KLF13: variants seen among roughly 807,000 people sequenced by gnomAD.
The protein encoded by KLF13 is Krueppel-like factor 13.
Under a neutral mutation model 16.7 loss-of-function variants are expected in KLF13, and 8 were observed. The ratio of observed to expected loss-of-function variants is 0.48; its 90% CI spans 0.28 to 0.87. The LOEUF is 0.87. Ranked by LOEUF, KLF13 falls within the 40% of genes least tolerant of loss-of-function variation. The probability of loss-of-function intolerance (pLI) is 0.10; values close to 1 mark genes in which losing one functional copy is unlikely to be tolerated. For synonymous variants in KLF13, 245 were observed against 208.4 expected (o/e 1.18, Z -1.51); for missense variants, 447 against 452.2 (o/e 0.99, Z 0.10).
intron 1 of KLF13, among the ~76,000 whole-genome samples, chr15:31,342,699 G>T (rs1042076997): frequency 5.3e-5 from 8 of 152,186 alleles, no homozygotes; most frequent in Non-Finnish European, 8.8e-5. Context: ...GCGGATATAT[G>T]TATTTTTTTC....
At chr15:31,396,398 C>T (rs2039952452) in intron 2 of KLF13, among the ~76,000 whole-genome samples, 2 of 152,130 alleles carry the variant, frequency 1.3e-5, no homozygotes, top group South Asian at 4.1e-4. Context: ...ACCTTGTGAT[C>T]TGCCTGCCTC....
At chr15:31,340,834 A>G (rs758770876) in intron 1 of KLF13, among the ~76,000 whole-genome samples, 7 of 152,208 alleles carry the variant, frequency 4.6e-5, no homozygotes, top group Non-Finnish European at 1.5e-5. Context: ...TTGCCACTAC[A>G]CTCAAACCTG....
chr15:31,374,452 G>A lies in KLF13; in HGVS notation c.*2153G>A. ...GAGTGGAATATTTGGTAGGGACCTT[G>A]ACAGAAGAGAGCCCTGGGTGCTTGT... On this transcript the variant is annotated 3_prime_UTR_variant, in exon 2 of 2. Transcript: ENST00000307145. 1 of 152,752 alleles carries A rather than the reference G, an allele frequency of 6.5e-6. No homozygotes were observed. Among genetic ancestry groups the A allele is most frequent in the East Asian group, 1.9e-4 (1 of 5,184 alleles). The allele number at this position is 152,752 out of a possible 1,614,324, so 9.5% of individuals were successfully genotyped here.
downstream of KLF13, among the ~76,000 whole-genome samples, chr15:31,381,524 A>G (rs1409116063): frequency 2.6e-5 from 4 of 152,154 alleles, no homozygotes; most frequent in East Asian, 7.7e-4. Flanking sequence ...GCTGCCCCCA[A>G]CCCTGAACTA....
At chr15:31,391,585 G>C (rs1423325955), upstream of KLF13, among the ~76,000 whole-genome samples, 1 of 152,036 alleles carries the variant, frequency 6.6e-6, no homozygotes, top group Non-Finnish European at 1.5e-5. Context: ...ACCCATTTCT[G>C]GGATTGCCCC....
upstream of KLF13, among the ~76,000 whole-genome samples, chr15:31,389,418 G>A (rs145979232): frequency 3.7e-3 from 556 of 152,210 alleles, 1 homozygote; most frequent in African/African-American, 0.013. Flanking sequence ...AATGGGGGAG[G>A]GGATCAACGG....
chr15:31,362,525 A>G (rs1339484892), intron 1 of KLF13, among the ~76,000 whole-genome samples: 3 of 152,262 alleles, frequency 2.0e-5, no homozygotes, highest in Non-Finnish European at 4.4e-5. Flanking sequence ...GAATGGGGCC[A>G]GTAATGTGCC....
intron 1 of KLF13, among the ~76,000 whole-genome samples, chr15:31,409,849 A>G (rs1566842163): frequency 6.6e-6 from 1 of 152,216 alleles, no homozygotes; most frequent in East Asian, 1.9e-4. Flanking sequence ...ATTTTCTACT[A>G]GCAGCCCTGC....
chr15:31,400,828 G>T (rs1260750924), intron 2 of KLF13, among the ~76,000 whole-genome samples: 1 of 152,110 alleles, frequency 6.6e-6, no homozygotes, highest in Non-Finnish European at 1.5e-5. Flanking sequence ...GACTGCCTGT[G>T]AGGGTCTGGC....
chr15:31,366,919 G>A (rs1244704358), intron 1 of KLF13, among the ~76,000 whole-genome samples: 4 of 152,262 alleles, frequency 2.6e-5, no homozygotes, highest in African/African-American at 9.6e-5. Context: ...TCCCAAAAGA[G>A]TACAGTAGGC....
At chr15:31,360,554 A>ATTGC (rs2039366900) in intron 1 of KLF13, among the ~76,000 whole-genome samples, 1 of 152,172 alleles carries the variant, frequency 6.6e-6, no homozygotes, top group African/African-American at 2.4e-5. Flanking sequence ...CTAGTGGGCA[A>ATTGC]GACCGAGAGC....
intron 1 of KLF13, among the ~76,000 whole-genome samples, chr15:31,352,597 C>T (rs1344347583): frequency 6.6e-6 from 1 of 152,170 alleles, no homozygotes; most frequent in Non-Finnish European, 1.5e-5. Flanking sequence ...AAGGGCCTGT[C>T]AGCATGTACT....
upstream of KLF13, among the ~76,000 whole-genome samples, chr15:31,392,673 G>A (rs969842442): frequency 2.0e-5 from 3 of 152,234 alleles, no homozygotes; most frequent in African/African-American, 7.2e-5. Flanking sequence ...AGTGACTTGG[G>A]TGACGTTTTG....
chr15:31,331,377 T>G (rs1032536452), intron 1 of KLF13, among the ~76,000 whole-genome samples: 1 of 152,056 alleles, frequency 6.6e-6, no homozygotes, highest in African/African-American at 2.4e-5. Context: ...TTGGGTGGGG[T>G]TCACCTGAAA....
chr15:31,369,381 T>C (rs984310103), intron 1 of KLF13, among the ~76,000 whole-genome samples: 1 of 152,148 alleles, frequency 6.6e-6, no homozygotes, highest in Non-Finnish European at 1.5e-5. Flanking sequence ...CCTCATGGAG[T>C]TGTTGTGAAG....
chr15:31,414,962 T>C (rs1330195166), intron 1 of KLF13, among the ~76,000 whole-genome samples: 1 of 152,204 alleles, frequency 6.6e-6, no homozygotes, highest in East Asian at 1.9e-4. Context: ...ATTTGGGTCA[T>C]GGAGGTATAT....
At position 31,373,471 on chromosome 15, in the gene KLF13, G is replaced by A. The variant is rs922993013; in HGVS notation, c.*1172G>A. 1.3e-5 allele frequency: 2 copies of A among 152,200 alleles called. No individual in the cohort carries two copies. Among genetic ancestry groups the A allele is most frequent in the Admixed American group, 6.5e-5 (1 of 15,274 alleles). 9.4% of individuals were successfully genotyped at this position (152,200 alleles called of 1,614,324 possible). Reference sequence around the variant, plus strand: ...CAGGGAATGCCAGATAGAAAGTTGCGGGCAACACTTTTCTCAGACCCACCA... The same window carrying A: ...CAGGGAATGCCAGATAGAAAGTTGCAGGCAACACTTTTCTCAGACCCACCA... On this transcript the variant is annotated 3_prime_UTR_variant, in exon 2 of 2. Transcript: ENST00000307145.
intron 1 of KLF13, among the ~76,000 whole-genome samples, chr15:31,344,373 C>A (rs1212243231): frequency 6.6e-6 from 1 of 152,228 alleles, no homozygotes; most frequent in Non-Finnish European, 1.5e-5. Flanking sequence ...CACGCCATGG[C>A]TGGACGTTTT....
intron 1 of KLF13, among the ~76,000 whole-genome samples, chr15:31,360,926 C>G (rs1395681285): frequency 1.3e-5 from 2 of 152,142 alleles, no homozygotes; most frequent in African/African-American, 4.8e-5. Context: ...AGGTGCTGGG[C>G]CTGGAAGAGG....
Sources: allele counts gnomAD v4.1 joint callset (sites outside exome capture counted in the v4.1 genomes callset), GRCh38; gene constraint gnomAD v4.1.1; transcripts MANE v1.5; gene names NCBI Gene and HGNC (gene_info 2026-07-23, HGNC 2026-07-21).